The following PTP4A3 variants were observed in gnomAD, a reference collection of about 807,000 sequenced individuals.
The protein encoded by PTP4A3 is protein tyrosine phosphatase type IVA 3.
In PTP4A3, 9 loss-of-function variants were observed where a neutral mutation model predicts 15.2. The ratio of observed to expected loss-of-function variants is 0.59; its 90% CI spans 0.36 to 1.03. PTP4A3 has a LOEUF of 1.03. Among genes scored for constraint, PTP4A3 ranks in the 50% least tolerant of loss-of-function variants. PTP4A3 has a pLI of 0.02. For synonymous variants in PTP4A3, 95 were observed against 102.0 expected, an observed-to-expected ratio of 0.93 and a Z score of 0.41; for missense variants, 234 against 252.1, an observed-to-expected ratio of 0.93 and a Z score of 0.49.
At position 141,431,019 on chromosome 8, in the gene PTP4A3, A is replaced by T; in HGVS notation, c.497A>T (p.His166Leu). 1 of 1,613,190 alleles carries T rather than the reference A, an allele frequency of 6.2e-7. No homozygotes were observed. The highest frequency in any genetic ancestry group is 8.5e-7 in the Non-Finnish European group (1 of 1,179,938). ...QRLRFKDPHTHKTRCCVM is the reference protein window; with the variant it reads ...QRLRFKDPHTLKTRCCVM ...CTGCGGTTCAAAGACCCACACACGC[A>T]CAAGACCCGGTGCTGCGTTATGTAG... The change falls in exon 6 of 6, where the codon CAC becomes CTC. Residue 166 changes from histidine (H) to leucine (L), a missense_variant. Physicochemically the swap from His to Leu is moderately conservative, Grantham distance 99. Coordinates refer to ENST00000521578, the MANE Select transcript of PTP4A3 (RefSeq NM_032611.3).
At chr8:141,395,678 C>T (rs567302710) in intron 1 of PTP4A3, among the ~76,000 whole-genome samples, 70 of 132,622 alleles carry the variant, frequency 5.3e-4, no homozygotes, top group Non-Finnish European at 7.7e-4. Flanking sequence ...GGGGAAGGTG[C>T]GTGGGCCACC....
At chr8:141,396,538 A>G (rs73713614) in intron 1 of PTP4A3, among the ~76,000 whole-genome samples, 7,687 of 152,040 alleles carry the variant, frequency 0.051, 672 homozygotes, top group African/African-American at 0.18. Flanking sequence ...TGGAGCACCT[A>G]CTGTGTGCCT....
chr8:141,422,056 C>A lies in PTP4A3; in HGVS notation c.-185C>A. ...CCAAACAGTGGGCAGCTTCCTCCCC[C>A]ACACCCAAGTATTTGCACAATATTT... is the stretch of plus-strand genomic sequence containing the variant. On this transcript the variant is annotated 5_prime_UTR_variant, in exon 2 of 6. Transcript: ENST00000521578. 3.6e-6 allele frequency: 2 copies of A among 548,778 alleles called. No individual in the cohort carries two copies. Among genetic ancestry groups the A allele is most frequent in the Non-Finnish European group, 3.2e-6 (1 of 313,206 alleles). 34.0% of individuals were successfully genotyped at this position (548,778 alleles called of 1,614,324 possible).
intron 1 of PTP4A3, among the ~76,000 whole-genome samples, chr8:141,416,003 C>T (rs895327399): frequency 2.6e-5 from 4 of 152,044 alleles, no homozygotes; most frequent in African/African-American, 9.7e-5. Context: ...AAATAGACTT[C>T]TCCGAAAGGC....
chr8:141,405,180 G>A (rs1832691835), intron 1 of PTP4A3, among the ~76,000 whole-genome samples: 1 of 152,162 alleles, frequency 6.6e-6, no homozygotes, highest in Non-Finnish European at 1.5e-5. Flanking sequence ...TAGGGCTTTG[G>A]CCCCCTGGTG....
At chr8:141,426,908 CG>C in intron 3 of PTP4A3, 30 bp from the exon 4 acceptor site, 1 of 1,604,042 alleles carries the variant, frequency 6.2e-7, no homozygotes. Flanking sequence ...CTCCCTCAGC[CG>C]GGGGTCCTCA....
chr8:141,398,737 AG>A (rs1832511359), intron 1 of PTP4A3, among the ~76,000 whole-genome samples: 1 of 152,130 alleles, frequency 6.6e-6, no homozygotes, highest in East Asian at 1.9e-4. Context: ...TGGGCTGCCC[AG>A]GGGACACTTC....
chr8:141,416,556 G>A (rs1363676778), intron 1 of PTP4A3, among the ~76,000 whole-genome samples: 2 of 152,162 alleles, frequency 1.3e-5, no homozygotes, highest in East Asian at 3.9e-4. Flanking sequence ...TGAGAGCACT[G>A]GGCAGGAGTC....
rs530534196 is a variant in PTP4A3 at position 141,428,983 on chromosome 8, A to G, written c.404+1159A>G. On this transcript the variant is annotated intron_variant, in intron 5 of 5. Transcript: ENST00000521578. Reference sequence around the variant, plus strand: ...TCTCTCCCCACCCCACGTCTCACCGAGCAAGGGCTTGTCTCTCCCTTGTGG... The same window carrying G: ...TCTCTCCCCACCCCACGTCTCACCGGGCAAGGGCTTGTCTCTCCCTTGTGG... Among the ~76,000 whole-genome samples the G allele has an allele frequency of 2.6e-5, 4 of 152,306 alleles. No homozygotes were observed. The East Asian group carries it at 7.7e-4, about 29-fold the overall frequency.
In PTP4A3 at chr8:141,425,216, C is replaced by G. The variant is rs370367877; in HGVS notation, c.198+76C>G. 1.5e-3 allele frequency: 2,048 copies of G among 1,403,294 alleles called. 23 individuals are homozygous for G. In the African/African-American group the frequency reaches 0.026, roughly 17 times the overall value. 86.9% of individuals were successfully genotyped at this position (1,403,294 alleles called of 1,614,324 possible). ...TGGGGCGGGGGGCTCCGGGCCTGCG[C>G]AGAGGGTTTGGTGCCCCTCCTGTGG... On this transcript the variant is annotated intron_variant, in intron 3 of 5. Coordinates refer to ENST00000521578, the MANE Select transcript of PTP4A3 (RefSeq NM_032611.3). This position sits in a 1 kb window ranked among gnomAD's most constrained non-coding sequence, Gnocchi z 4.2.
At chr8:141,404,765 G>C (rs1393898644) in intron 1 of PTP4A3, among the ~76,000 whole-genome samples, 1 of 152,166 alleles carries the variant, frequency 6.6e-6, no homozygotes, top group East Asian at 1.9e-4. Flanking sequence ...TGGGGTGCGT[G>C]GGGAAGTAGG....
At chr8:141,415,869 G>A (rs1347514219) in intron 1 of PTP4A3, among the ~76,000 whole-genome samples, 1 of 151,528 alleles carries the variant, frequency 6.6e-6, no homozygotes, top group Non-Finnish European at 1.5e-5. Flanking sequence ...AGGACTCCGG[G>A]AAGGCGTCCT....
chr8:141,424,729 C>T (rs1485621771), intron 2 of PTP4A3, among the ~76,000 whole-genome samples: 1 of 152,098 alleles, frequency 6.6e-6, no homozygotes, highest in Non-Finnish European at 1.5e-5. Flanking sequence ...CCCAAGGGAC[C>T]TAGGACAGGC....
At chr8:141,403,642 A>C (rs1437794067) in intron 1 of PTP4A3, among the ~76,000 whole-genome samples, 1 of 152,218 alleles carries the variant, frequency 6.6e-6, no homozygotes, top group Non-Finnish European at 1.5e-5. Context: ...GACCCCAAAC[A>C]CTTCTAACAT....
chr8:141,425,347 C>T lies in PTP4A3; in HGVS notation c.198+207C>T, dbSNP rs865801379. On this transcript the variant is annotated intron_variant, in intron 3 of 5. Coordinates refer to ENST00000521578, the MANE Select transcript of PTP4A3 (RefSeq NM_032611.3). The surrounding 1 kb of genome is among the most constrained non-coding windows in gnomAD (Gnocchi z 4.2). Reference sequence around the variant, plus strand: ...CTCAAGAAAGTCACCCTTGCGCACCCGTCTTTCTGTCTCTAGGGTGGGCCA... The same window carrying T: ...CTCAAGAAAGTCACCCTTGCGCACCTGTCTTTCTGTCTCTAGGGTGGGCCA... Among the ~76,000 whole-genome samples, 5 of 152,176 alleles carry T rather than the reference C, an allele frequency of 3.3e-5. No homozygotes were observed. The highest frequency in any genetic ancestry group is 2.1e-4 in the South Asian group (1 of 4,818).
At chr8:141,397,898 C>T (rs578131588) in intron 1 of PTP4A3, among the ~76,000 whole-genome samples, 188 of 152,300 alleles carry the variant, frequency 1.2e-3, no homozygotes, top group Non-Finnish European at 2.0e-3. Context: ...AGGGTCGGCC[C>T]GGCTCCTGCC....
Position 141,425,169 on chromosome 8 carries a change from C to A in PTP4A3, c.198+29C>A. ...AGGCGCGCGCCACGGGGACCCTAGT[C>A]ACTGCTGCCACCGGGGGAGGGTGGG... On this transcript the variant is annotated intron_variant, in intron 3 of 5. Coordinates refer to ENST00000521578, the MANE Select transcript of PTP4A3 (RefSeq NM_032611.3). The surrounding 1 kb of genome is among the most constrained non-coding windows in gnomAD (Gnocchi z 4.2). 6.9e-7 allele frequency: 1 copy of A among 1,452,866 alleles called. No individual in the cohort carries two copies. The highest frequency in any genetic ancestry group is 9.6e-7 in the Non-Finnish European group (1 of 1,042,966). The allele number at this position is 1,452,866 out of a possible 1,614,324, so 90.0% of individuals were successfully genotyped here. A position where few individuals can be genotyped will look rare whatever the true frequency, so the allele number is the denominator to read the frequency against.
At chr8:141,405,869 C>G (rs2129886152) in intron 1 of PTP4A3, among the ~76,000 whole-genome samples, 1 of 152,142 alleles carries the variant, frequency 6.6e-6, no homozygotes, top group South Asian at 2.1e-4. Flanking sequence ...TGCTCCTGGC[C>G]TCCAGCACAG....
chr8:141,428,262 C>T (rs142534092), intron 5 of PTP4A3, among the ~76,000 whole-genome samples: 1 of 151,952 alleles, frequency 6.6e-6, no homozygotes, highest in East Asian at 1.9e-4. Context: ...CTCACCACCC[C>T]TCCCCCCAAC....
Sources: gnomAD v4.1 joint callset for allele counts (sites outside exome capture counted in the v4.1 genomes callset) on GRCh38, gnomAD v4.1.1 for gene constraint, Gnocchi (gnomAD v3.1) non-coding constraint, MANE v1.5 for transcripts, NCBI Gene and HGNC (gene_info 2026-07-23, HGNC 2026-07-21) for gene names.